Variants in TLK1 observed in about 807,000 individuals in gnomAD.
The protein encoded by TLK1 is tousled like kinase 1.
TLK1 carries 24 observed loss-of-function variants against 105.3 expected under a neutral mutation model. That is an observed-to-expected ratio of 0.23 (90% CI 0.17 to 0.32). The LOEUF (loss-of-function observed/expected upper bound fraction) is 0.32. Ranked by LOEUF, TLK1 falls within the 10% of genes least tolerant of loss-of-function variation. TLK1 has a pLI of 1.00. For missense variants in TLK1, 558 were observed against 910.5 expected (o/e 0.61, Z 4.98); for synonymous variants, 321 against 310.4 (o/e 1.03, Z -0.36).
chr2:171,033,514 A>G (rs1338029288), intron 11 of TLK1, among the ~76,000 whole-genome samples: 2 of 151,822 alleles, frequency 1.3e-5, no homozygotes, highest in Non-Finnish European at 2.9e-5. Context: ...ACACAAGAGG[A>G]TGACAACAGT....
intron 11 of TLK1, among the ~76,000 whole-genome samples, chr2:171,034,772 G>GA (rs148477336): frequency 6.6e-6 from 1 of 151,752 alleles, no homozygotes; most frequent in Non-Finnish European, 1.5e-5. Context: ...TTATCACTAG[G>GA]AAAAAAAATA....
At chr2:171,151,846 T>A (rs193188971) in intron 1 of TLK1, among the ~76,000 whole-genome samples, 1 of 152,260 alleles carries the variant, frequency 6.6e-6, no homozygotes, top group Non-Finnish European at 1.5e-5. Context: ...GTATACAAAG[T>A]TGAACTAAAC....
intron 1 of TLK1, among the ~76,000 whole-genome samples, chr2:171,157,258 C>T (rs921503691): frequency 6.6e-6 from 1 of 152,204 alleles, no homozygotes; most frequent in African/African-American, 2.4e-5. Context: ...TACCCATGTA[C>T]TGATATGCAA....
chr2:171,228,395 AT>A (rs1693937808), intron 1 of TLK1, among the ~76,000 whole-genome samples: 1 of 152,032 alleles, frequency 6.6e-6, no homozygotes, highest in Non-Finnish European at 1.5e-5. Context: ...CTCTGAAATA[AT>A]TTTTTAAATC....
At chr2:171,176,065 T>C (rs139526836) in intron 1 of TLK1, among the ~76,000 whole-genome samples, 38 of 152,202 alleles carry the variant, frequency 2.5e-4, no homozygotes, top group African/African-American at 8.7e-4. Context: ...GCCTCCTGAG[T>C]AGCTGGGATT....
intron 1 of TLK1, among the ~76,000 whole-genome samples, chr2:171,202,452 CAA>C (rs879667751): frequency 7.5e-6 from 1 of 132,720 alleles, no homozygotes. Context: ...AATTCCAACT[CAA>C]AAAAAAAAAA....
rs922192237 is a variant in TLK1 at position 171,167,805 on chromosome 2, C to A, written c.-5-49948G>T. ...TTCAGAACAATAATATCCCCTCCCC[C>A]AAAGTGCACTAGAAGCTATCCTCCA... On this transcript the variant is annotated intron_variant, in intron 1 of 20. Transcript: ENST00000521943. Among the ~76,000 whole-genome samples, 6 of 152,222 alleles carry A rather than the reference C, an allele frequency of 3.9e-5. No individual in the cohort carries two copies. In the South Asian group the frequency reaches 8.3e-4, roughly 21 times the overall value.
chr2:171,217,531 T>C (rs1693737472), intron 1 of TLK1, among the ~76,000 whole-genome samples: 1 of 152,174 alleles, frequency 6.6e-6, no homozygotes, highest in Admixed American at 6.5e-5. Flanking sequence ...GAGAAGGGTA[T>C]GAAAAGCAGA....
At chr2:171,168,268 G>A (rs1209893650) in intron 1 of TLK1, among the ~76,000 whole-genome samples, 4 of 151,974 alleles carry the variant, frequency 2.6e-5, no homozygotes, top group South Asian at 4.2e-4. Flanking sequence ...TTCTTAATTC[G>A]ATACATGGCA....
chr2:171,228,890 C>A (rs1374990923), intron 1 of TLK1, among the ~76,000 whole-genome samples: 1 of 152,164 alleles, frequency 6.6e-6, no homozygotes, highest in African/African-American at 2.4e-5. Flanking sequence ...TCTGTCAATG[C>A]CTGCCTACTC....
At chr2:171,001,010 C>G (rs1228436427) in intron 18 of TLK1, among the ~76,000 whole-genome samples, 1 of 151,112 alleles carries the variant, frequency 6.6e-6, no homozygotes, top group Non-Finnish European at 1.5e-5. Flanking sequence ...AACCCTTCAC[C>G]CCACCTTCTT....
Position 170,991,005 on chromosome 2 carries a change from T to TAAAAA in TLK1, c.*2770_*2774dup, listed in dbSNP as rs35562209. The stretch of plus-strand genomic sequence containing the variant: ...TTAGAAGGAGATGGTAGTGAGTGTT[T>TAAAAA]AAAAAAAAAAAAAAGATTGAGTCTT... On this transcript the variant is annotated 3_prime_UTR_variant, in exon 21 of 21. Coordinates refer to ENST00000431350, the MANE Select transcript of TLK1 (RefSeq NM_012290.5). 6.8e-6 allele frequency: 1 copy of TAAAAA among 147,012 alleles called. No individual in the cohort carries two copies. The highest frequency in any genetic ancestry group is 2.5e-5 in the African/African-American group (1 of 40,048). 9.1% of individuals were successfully genotyped at this position (147,012 alleles called of 1,614,324 possible).
intron 1 of TLK1, among the ~76,000 whole-genome samples, chr2:171,189,432 T>G (rs764024638): frequency 2.6e-5 from 4 of 152,190 alleles, no homozygotes; most frequent in Admixed American, 6.5e-5. Flanking sequence ...GCCAAAGTGC[T>G]GGGATTATGA....
chr2:171,050,941 A>C (rs1687208607), intron 8 of TLK1, among the ~76,000 whole-genome samples: 2 of 152,240 alleles, frequency 1.3e-5, no homozygotes, highest in South Asian at 4.1e-4. Context: ...TGGTCTGAAG[A>C]TCACACTTTG....
At chr2:171,113,940 T>A (rs1283332837) in intron 2 of TLK1, among the ~76,000 whole-genome samples, 1 of 152,188 alleles carries the variant, frequency 6.6e-6, no homozygotes, top group Non-Finnish European at 1.5e-5. Context: ...TTGTAAAGAC[T>A]GATATTTGAG....
chr2:171,059,481 T>C (rs896838821), intron 4 of TLK1, among the ~76,000 whole-genome samples: 2 of 152,232 alleles, frequency 1.3e-5, no homozygotes, highest in Non-Finnish European at 2.9e-5. Flanking sequence ...ATACAGGCTG[T>C]ATGTTTAAGA....
At chr2:171,051,611 T>C (rs967970926) in intron 8 of TLK1, among the ~76,000 whole-genome samples, 2 of 152,224 alleles carry the variant, frequency 1.3e-5, no homozygotes, top group Non-Finnish European at 2.9e-5. Context: ...TAATAATATC[T>C]GAGCTGCCCA....
At chr2:171,044,761 C>T (rs552722618) in intron 11 of TLK1, among the ~76,000 whole-genome samples, 2 of 152,116 alleles carry the variant, frequency 1.3e-5, no homozygotes, top group South Asian at 2.1e-4. Flanking sequence ...AAGATGCAGC[C>T]GGATGAGTTA....
At chr2:171,227,111 A>G (rs1693911203) in intron 1 of TLK1, among the ~76,000 whole-genome samples, 1 of 152,016 alleles carries the variant, frequency 6.6e-6, no homozygotes, top group Non-Finnish European at 1.5e-5. Context: ...TACCATTCCC[A>G]CCCTCTTTCT....
Sources: gnomAD v4.1 joint callset for allele counts (sites outside exome capture counted in the v4.1 genomes callset) on GRCh38, gnomAD v4.1.1 for gene constraint, MANE v1.5 for transcripts, NCBI Gene and HGNC (gene_info 2026-07-23, HGNC 2026-07-21) for gene names.